NAV1: variants seen among roughly 807,000 people sequenced by gnomAD.
The protein encoded by NAV1 is neuron navigator 1, also known as pore membrane and/or filament interacting like protein 3.
A neutral mutation model predicts 175.2 loss-of-function variants in NAV1; 18 were observed. The observed-to-expected ratio is 0.10, with a 90% confidence interval of 0.07 to 0.15. The LOEUF (loss-of-function observed/expected upper bound fraction) is 0.15, where lower values mean the gene tolerates loss of function less well. Ranked by LOEUF, NAV1 falls within the 10% of genes least tolerant of loss-of-function variation. The probability of loss-of-function intolerance (pLI) is 1.00; values close to 1 mark genes in which losing one functional copy is unlikely to be tolerated. For synonymous variants in NAV1, 897 were observed against 978.7 expected (o/e 0.92, Z 1.56); for missense variants, 1,731 against 2,436.6 (o/e 0.71, Z 6.10).
chr1:201,697,229 C>T (rs1156631319), intron 1 of NAV1, among the ~76,000 whole-genome samples: 1 of 152,136 alleles, frequency 6.6e-6, no homozygotes, highest in Non-Finnish European at 1.5e-5. Flanking sequence ...GGCAGATGGG[C>T]CGAGTCACAG....
intron 15 of NAV1, chr1:201,796,770 G>T (rs1198085045): frequency 6.6e-6 from 1 of 152,114 alleles, no homozygotes; most frequent in Non-Finnish European, 1.5e-5. Context: ...GTGCTTATTT[G>T]CTATTTGTAT....
intron 1 of NAV1, among the ~76,000 whole-genome samples, chr1:201,578,331 T>G (rs1217445460): frequency 4.6e-5 from 7 of 152,164 alleles, no homozygotes; most frequent in African/African-American, 1.7e-4. Context: ...AATTTTCCAT[T>G]TGGTTCTTCT....
intron 3 of NAV1, among the ~76,000 whole-genome samples, chr1:201,773,057 A>C (rs1380232936): frequency 1.3e-5 from 2 of 151,466 alleles, no homozygotes; most frequent in Admixed American, 6.6e-5. Flanking sequence ...AAATACTAGG[A>C]GCTTGATGAC....
At chr1:201,744,333 T>TATTTATTTATTTATTC (rs1342877478) in intron 3 of NAV1, among the ~76,000 whole-genome samples, 2 of 151,876 alleles carry the variant, frequency 1.3e-5, no homozygotes, top group Non-Finnish European at 2.9e-5. Flanking sequence ...TTTATTTATT[T>TATTTATTTATTTATTC]ATTTATTTAT....
chr1:201,765,482 C>T (rs1252389314), intron 3 of NAV1, among the ~76,000 whole-genome samples: 3 of 149,972 alleles, frequency 2.0e-5, no homozygotes, highest in Non-Finnish European at 4.4e-5. Flanking sequence ...GCAACCTCTG[C>T]CTCCCAATCT....
At chr1:201,716,922 G>A (rs145863470) in intron 2 of NAV1, among the ~76,000 whole-genome samples, 132 of 152,212 alleles carry the variant, frequency 8.7e-4, no homozygotes, top group Non-Finnish European at 1.2e-3. Context: ...GCCAGGAGGG[G>A]AGCCGCTGGG....
chr1:201,771,194 C>T (rs1262198805), intron 3 of NAV1, among the ~76,000 whole-genome samples: 1 of 148,434 alleles, frequency 6.7e-6, no homozygotes, highest in Non-Finnish European at 1.5e-5. Flanking sequence ...AGCCGAGATC[C>T]CGCCACTGCA....
chr1:201,611,679 C>G (rs974623974), intron 2 of NAV1, among the ~76,000 whole-genome samples: 1 of 152,198 alleles, frequency 6.6e-6, no homozygotes, highest in Non-Finnish European at 1.5e-5. Flanking sequence ...GGTCTGTAAA[C>G]CACAAATATT....
At chr1:201,705,146 C>T (rs1044051247) in intron 1 of NAV1, among the ~76,000 whole-genome samples, 1 of 152,144 alleles carries the variant, frequency 6.6e-6, no homozygotes, top group African/African-American at 2.4e-5. Flanking sequence ...GTTGTCCACC[C>T]GGCATGCCCT....
At chr1:201,780,351 A>G in intron 3 of NAV1, 70 bp from the exon 8 acceptor site, 1 of 1,584,604 alleles carries the variant, frequency 6.3e-7, no homozygotes, top group Non-Finnish European at 8.7e-7. Flanking sequence ...TTCTTGCATC[A>G]ATGTGAAACA....
chr1:201,682,348 A>G (rs1036614057), intron 1 of NAV1, among the ~76,000 whole-genome samples: 1 of 151,818 alleles, frequency 6.6e-6, no homozygotes. Flanking sequence ...GCAGCCACCA[A>G]CCTCTTCTGA....
chr1:201,570,916 G>A (rs1033332177), intron 1 of NAV1, among the ~76,000 whole-genome samples: 1 of 152,234 alleles, frequency 6.6e-6, no homozygotes, highest in Non-Finnish European at 1.5e-5. Context: ...CGCTGACCCT[G>A]GTCGCTCATT....
At chr1:201,764,713 A>ATCCT (rs1675087871) in intron 3 of NAV1, among the ~76,000 whole-genome samples, 2 of 152,222 alleles carry the variant, frequency 1.3e-5, no homozygotes, top group Non-Finnish European at 2.9e-5. Context: ...GGGTGTTAGG[A>ATCCT]GGCAAGATGA....
chr1:201,721,307 G>C (rs1210991192), intron 3 of NAV1, among the ~76,000 whole-genome samples: 2 of 152,236 alleles, frequency 1.3e-5, no homozygotes, highest in East Asian at 3.8e-4. Flanking sequence ...ACACGAGTTT[G>C]TTAACTTCCC....
exon 30 of NAV1, chr1:201,822,631 C>A (rs895303524): frequency 2.6e-5 from 4 of 152,626 alleles, no homozygotes; most frequent in Admixed American, 1.3e-4. Flanking sequence ...CTTTTTATTT[C>A]TCTTCCTGGG....
chr1:201,801,458 C>T (rs1372992646), intron 15 of NAV1, among the ~76,000 whole-genome samples: 2 of 152,162 alleles, frequency 1.3e-5, no homozygotes, highest in Non-Finnish European at 2.9e-5. Flanking sequence ...TCATCTTTCT[C>T]ATTGTTAACA....
rs1670879198 is a variant in NAV1 at position 201,690,610 on chromosome 1, C to T, written c.758-22207C>T. Reference sequence around the variant, plus strand: ...TGTGTCTGTTTCCTCTGTGGCTCGTCTGTGGCAGAATGTGTCTATTTCCTC... The same window carrying T: ...TGTGTCTGTTTCCTCTGTGGCTCGTTTGTGGCAGAATGTGTCTATTTCCTC... On this transcript the variant is annotated intron_variant, in intron 1 of 29. Coordinates refer to ENST00000367296, the Ensembl canonical transcript of NAV1. 4.2e-5 allele frequency among the ~76,000 whole-genome samples: 6 copies of T among 141,868 alleles called. 1 individual carries two copies. The South Asian group carries it at 1.4e-3, about 32-fold the overall frequency. The allele number at this position is 141,868 out of a possible 152,430, so 93.1% of individuals were successfully genotyped here. A position where few individuals can be genotyped will look rare whatever the true frequency, so the allele number is the denominator to read the frequency against.
At chr1:201,768,642 A>T (rs1047143199) in intron 3 of NAV1, among the ~76,000 whole-genome samples, 6 of 56,226 alleles carry the variant, frequency 1.1e-4, no homozygotes, top group African/African-American at 3.9e-4. Flanking sequence ...TGTCTCAATT[A>T]AAAAAAAAAA....
At chr1:201,757,426 G>A (rs1378536091) in intron 3 of NAV1, among the ~76,000 whole-genome samples, 3 of 152,118 alleles carry the variant, frequency 2.0e-5, no homozygotes, top group South Asian at 4.1e-4. Context: ...TTGCCACCAC[G>A]CCCGGCTAAT....
Sources: allele counts gnomAD v4.1 joint callset (sites outside exome capture counted in the v4.1 genomes callset), GRCh38; gene constraint gnomAD v4.1.1; transcripts MANE v1.5; gene names NCBI Gene and HGNC (gene_info 2026-07-23, HGNC 2026-07-21).